TRPC5: variants seen among roughly 807,000 people sequenced by gnomAD.
TRPC5 encodes short transient receptor potential channel 5.
A neutral mutation model predicts 56.5 loss-of-function variants in TRPC5; 9 were observed. The ratio of observed to expected loss-of-function variants is 0.16; its 90% CI spans 0.10 to 0.28. The LOEUF (loss-of-function observed/expected upper bound fraction) is 0.28. Ranked by LOEUF, TRPC5 falls within the 10% of genes least tolerant of loss-of-function variation. The pLI is 1.00. For missense variants in TRPC5, 469 were observed against 748.9 expected, an observed-to-expected ratio of 0.63 and a Z score of 4.36; for synonymous variants, 282 against 278.5, an observed-to-expected ratio of 1.01 and a Z score of -0.13.
chrX:111,846,504 G>A (rs1008042595), intron 6 of TRPC5, among the ~76,000 whole-genome samples: 22 of 111,963 alleles, frequency 2.0e-4, no homozygotes, highest in African/African-American at 6.8e-4. Context: ...CAGTGGACTC[G>A]TGGACAGAAT....
intron 2 of TRPC5, chrX:111,930,934 G>T: frequency 7.1e-6 from 1 of 140,923 alleles, no homozygotes; most frequent in Non-Finnish European, 1.5e-5. Flanking sequence ...CATGCTTAGA[G>T]GTAAAGTCCA....
intron 1 of TRPC5, among the ~76,000 whole-genome samples, chrX:112,027,779 A>G (rs1004381484): frequency 8.9e-6 from 1 of 111,956 alleles, no homozygotes; most frequent in African/African-American, 3.2e-5. Context: ...TACAGGCGTG[A>G]GCCACCGCGC....
intron 3 of TRPC5, among the ~76,000 whole-genome samples, chrX:111,906,892 C>T (rs1007985781): frequency 1.8e-5 from 2 of 111,688 alleles, no homozygotes; most frequent in African/African-American, 6.5e-5. Context: ...TCCTATTCCT[C>T]ATTACAGACA....
chrX:111,953,491 A>T (rs1208789761), intron 1 of TRPC5, among the ~76,000 whole-genome samples: 1 of 110,942 alleles, frequency 9.0e-6, no homozygotes, highest in Non-Finnish European at 1.9e-5. Context: ...TTCCTCATTA[A>T]CTCCCTGTAG....
chrX:111,801,608 A>G (rs1434154721), intron 7 of TRPC5, among the ~76,000 whole-genome samples: 3 of 111,889 alleles, frequency 2.7e-5, no homozygotes, highest in Admixed American at 1.9e-4. Flanking sequence ...GTGGTATCTC[A>G]TTCTGGTTTT....
chrX:111,873,381 A>G (rs998130008), intron 3 of TRPC5, among the ~76,000 whole-genome samples: 1 of 111,344 alleles, frequency 9.0e-6, no homozygotes, highest in African/African-American at 3.3e-5. Context: ...AGGCTGAAGG[A>G]CCACCTGTTG....
chrX:111,768,632 A>G lies in TRPC5; in HGVS notation c.*7681T>C, dbSNP rs2061311040. Among the ~76,000 whole-genome samples the G allele has an allele frequency of 8.9e-6, 1 of 112,210 alleles. No homozygotes were observed. The highest frequency in any genetic ancestry group is 1.9e-5 in the Non-Finnish European group (1 of 53,193). ...AGGTCTGTGTCTTTACTGTTGAGAT[A>G]AGATACAGCTTTACTTTTACTTTGT... On this transcript the variant is annotated 3_prime_UTR_variant, in exon 11 of 11. Transcript: ENST00000262839.
intron 2 of TRPC5, among the ~76,000 whole-genome samples, chrX:111,940,116 T>G (rs1387051464): frequency 1.8e-5 from 2 of 112,189 alleles, no homozygotes; most frequent in African/African-American, 6.5e-5. Context: ...ATTTAAAAAT[T>G]TTCTTCTTAA....
intron 6 of TRPC5, among the ~76,000 whole-genome samples, 166 bp from the exon 7 acceptor site, chrX:111,835,282 G>T (rs571561506): frequency 8.9e-6 from 1 of 112,088 alleles, no homozygotes; most frequent in South Asian, 3.8e-4. Flanking sequence ...GACCATCCAT[G>T]TCCATTTGTT....
At chrX:111,955,117 CG>C (rs993638399) in intron 1 of TRPC5, among the ~76,000 whole-genome samples, 5 of 111,780 alleles carry the variant, frequency 4.5e-5, no homozygotes, top group African/African-American at 1.6e-4. Context: ...CAAGTATAAT[CG>C]GATGATATAT....
intron 3 of TRPC5, among the ~76,000 whole-genome samples, chrX:111,863,194 A>G (rs939399570): frequency 7.2e-5 from 8 of 111,863 alleles, no homozygotes; most frequent in Admixed American, 6.6e-4. Flanking sequence ...ATCGGTTAAC[A>G]TCAGGTTACT....
chrX:111,889,814 T>C (rs768340865), intron 3 of TRPC5, among the ~76,000 whole-genome samples: 4 of 112,109 alleles, frequency 3.6e-5, no homozygotes, highest in Non-Finnish European at 5.6e-5. Flanking sequence ...GCAAACCACA[T>C]ACTCTTGTCT....
At chrX:112,038,476 T>C (rs1352938894) in intron 1 of TRPC5, among the ~76,000 whole-genome samples, 7 of 111,556 alleles carry the variant, frequency 6.3e-5, no homozygotes, top group Non-Finnish European at 1.3e-4. Flanking sequence ...TGCAGAGTTA[T>C]TTTGCCAGCT....
At chrX:111,948,852 G>A (rs956623393) in intron 2 of TRPC5, among the ~76,000 whole-genome samples, 3 of 111,560 alleles carry the variant, frequency 2.7e-5, no homozygotes, top group African/African-American at 9.8e-5. Context: ...TACACCCTGA[G>A]GGACTCTCTG....
intron 1 of TRPC5, among the ~76,000 whole-genome samples, chrX:111,965,038 TAAAG>T (rs1927519284): frequency 9.0e-6 from 1 of 111,523 alleles, no homozygotes; most frequent in African/African-American, 3.3e-5. Flanking sequence ...GCAAATTGGA[TAAAG>T]AGTCAAGACC....
intron 3 of TRPC5, among the ~76,000 whole-genome samples, chrX:111,867,317 G>A (rs779078477): frequency 8.9e-6 from 1 of 112,133 alleles, no homozygotes; most frequent in Non-Finnish European, 1.9e-5. Flanking sequence ...TTTAGCTTTA[G>A]GAAAAGCTCA....
chrX:111,832,144 T>G (rs1240161159), intron 7 of TRPC5, among the ~76,000 whole-genome samples: 3 of 112,030 alleles, frequency 2.7e-5, no homozygotes, highest in African/African-American at 9.7e-5. Flanking sequence ...CCTGGAGTGA[T>G]TCCTGCTTCA....
intron 1 of TRPC5, among the ~76,000 whole-genome samples, chrX:112,042,353 C>G (rs1179291998): frequency 9.0e-6 from 1 of 111,164 alleles, no homozygotes; most frequent in Admixed American, 9.6e-5. Flanking sequence ...CACATTGGAC[C>G]TGGGGACTCT....
At chrX:111,876,899 C>A (rs1923974627) in intron 3 of TRPC5, among the ~76,000 whole-genome samples, 1 of 111,519 alleles carries the variant, frequency 9.0e-6, no homozygotes, top group Non-Finnish European at 1.9e-5. Flanking sequence ...TTTAGTCATT[C>A]ATAACAACAT....
Sources: allele counts gnomAD v4.1 joint callset (sites outside exome capture counted in the v4.1 genomes callset), GRCh38; gene constraint gnomAD v4.1.1; transcripts MANE v1.5; gene names NCBI Gene and HGNC (gene_info 2026-07-23, HGNC 2026-07-21).